SLC35F4: variants seen among roughly 807,000 people sequenced by gnomAD.
SLC35F4 encodes the protein solute carrier family 35 member F4, also known as chromosome 14 open reading frame 36.
A neutral mutation model predicts 44.2 loss-of-function variants in SLC35F4; 24 were observed. That is an observed-to-expected ratio of 0.54 (90% CI 0.39 to 0.76). The LOEUF (loss-of-function observed/expected upper bound fraction) is 0.76, where lower values mean the gene tolerates loss of function less well. SLC35F4 is among the 30% of genes least tolerant of loss of function. The pLI, the probability that SLC35F4 is intolerant of heterozygous loss-of-function variation, is 0.00. For missense variants in SLC35F4, 562 were observed against 586.1 expected, an observed-to-expected ratio of 0.96 and a Z score of 0.42; for synonymous variants, 238 against 223.6, an observed-to-expected ratio of 1.06 and a Z score of -0.57.
chr14:57,875,760 A>T (rs1888386067), intron 1 of SLC35F4, among the ~76,000 whole-genome samples: 1 of 152,236 alleles, frequency 6.6e-6, no homozygotes, highest in Non-Finnish European at 1.5e-5. Context: ...GTTGCAGGTT[A>T]ACTCAGATTG....
intron 1 of SLC35F4, among the ~76,000 whole-genome samples, chr14:57,865,062 C>T (rs1461507469): frequency 1.3e-5 from 2 of 150,240 alleles, no homozygotes; most frequent in East Asian, 4.0e-4. Context: ...TCTCAGACCC[C>T]CCCCCCCCAC....
At chr14:57,571,433 C>T (rs922503475) in intron 5 of SLC35F4, among the ~76,000 whole-genome samples, 2 of 152,186 alleles carry the variant, frequency 1.3e-5, no homozygotes, top group Admixed American at 1.3e-4. Context: ...CTAGTGACAG[C>T]TTATTTCTAA....
At chr14:57,768,051 T>C (rs998952539) in intron 1 of SLC35F4, among the ~76,000 whole-genome samples, 1 of 152,220 alleles carries the variant, frequency 6.6e-6, no homozygotes, top group Non-Finnish European at 1.5e-5. Context: ...TGATGTTCAC[T>C]GGAGAATTCT....
rs1218237649 is a variant in SLC35F4, at chr14:57,735,088, C to T, written c.103+130635G>A. Among the ~76,000 whole-genome samples the T allele has an allele frequency of 1.4e-4, 22 of 152,060 alleles. No homozygotes were observed. In the East Asian group the frequency reaches 3.9e-3, roughly 27 times the overall value. ...GACAAGTACTGACATCTGTGACATA[C>T]AAAATACAACAGGATGAGGCATTTG... On this transcript the variant is annotated intron_variant, in intron 1 of 7. Coordinates refer to ENST00000556826, the MANE Select transcript of SLC35F4 (RefSeq NM_001306087.2).
upstream of SLC35F4, among the ~76,000 whole-genome samples, chr14:57,870,156 G>GTGTGTGTGTGTGTC (rs1211320834): frequency 2.3e-4 from 34 of 150,964 alleles, no homozygotes; most frequent in African/African-American, 8.1e-4. Context: ...GTGTGTGTGT[G>GTGTGTGTGTGTGTC]TCTGTGTCTC....
intron 1 of SLC35F4, among the ~76,000 whole-genome samples, chr14:57,800,841 C>T (rs2078174928): frequency 6.6e-6 from 1 of 152,070 alleles, no homozygotes; most frequent in African/African-American, 2.4e-5. Flanking sequence ...AAGGAATAAA[C>T]AAAATCTCTG....
rs1555398701 is a variant in SLC35F4 at position 57,865,987 on chromosome 14, ACAGCGGCGG to A, written c.-171_-163del. On this transcript the variant is annotated 5_prime_UTR_variant, in exon 1 of 8. Transcript: ENST00000556826. ...CCCGGCGCAGCACCGGCTCCGCATCACAGCGGCGGCGGCGGCGGCGGCGGCGGAGCGGCC... is the reference window on the plus strand; with the variant it reads ...CCCGGCGCAGCACCGGCTCCGCATCACGGCGGCGGCGGCGGCGGAGCGGCC... 2 of 391,708 alleles carry A rather than the reference ACAGCGGCGG, an allele frequency of 5.1e-6. No individual in the cohort carries two copies. The highest frequency in any genetic ancestry group is 5.3e-5 in the East Asian group (1 of 18,884). The allele number at this position is 391,708 out of a possible 1,614,324, so 24.3% of individuals were successfully genotyped here.
chr14:57,894,231 T>A (rs1264762274), intron 1 of SLC35F4, among the ~76,000 whole-genome samples: 1 of 152,132 alleles, frequency 6.6e-6, no homozygotes, highest in Non-Finnish European at 1.5e-5. Context: ...AAGCACTATA[T>A]GAAATTGAGT....
intron 1 of SLC35F4, among the ~76,000 whole-genome samples, chr14:57,723,665 C>A (rs28801999): frequency 6.6e-6 from 1 of 152,140 alleles, no homozygotes; most frequent in African/African-American, 2.4e-5. Flanking sequence ...TAAGGCCCAC[C>A]GGAAGTAATG....
chr14:57,693,667 G>C (rs2075297378), intron 1 of SLC35F4, among the ~76,000 whole-genome samples: 1 of 152,124 alleles, frequency 6.6e-6, no homozygotes, highest in Non-Finnish European at 1.5e-5. Flanking sequence ...CTCTGTTTGA[G>C]GCTCTCAGCT....
rs766558607 is a variant in SLC35F4 at position 57,589,337 on chromosome 14, A to G, written c.466T>C (p.Phe156Leu). 6.2e-7 allele frequency: 1 copy of G among 1,613,882 alleles called. No homozygotes were observed. The highest frequency in any genetic ancestry group is 8.5e-7 in the Non-Finnish European group (1 of 1,179,902). ...TQIVKITYKN[F>L]YCPFFMTWFS... ...CAAGTCATGAAAAATGGGCAATAGAAGTTCTTATAAGTAATTTTTACAATC... is the reference window on the plus strand; with the variant it reads ...CAAGTCATGAAAAATGGGCAATAGAGGTTCTTATAAGTAATTTTTACAATC... Residue 156 changes from phenylalanine to leucine, a missense_variant, in exon 3 of 8, where the codon TTC becomes CTC. Phe to Leu is a conservative substitution (Grantham distance 22). Transcript: ENST00000556826.
chr14:57,630,389 A>G (rs2072711342), intron 1 of SLC35F4: 1 of 648,736 alleles, frequency 1.5e-6, no homozygotes, highest in South Asian at 1.6e-5. Context: ...CAAATATGAT[A>G]GATTCAAACA....
At chr14:57,781,422 T>C (rs2077617953) in intron 1 of SLC35F4, among the ~76,000 whole-genome samples, 1 of 152,074 alleles carries the variant, frequency 6.6e-6, no homozygotes, top group Non-Finnish European at 1.5e-5. Flanking sequence ...TAACAGATAC[T>C]GGTGAGGTTG....
intron 1 of SLC35F4, among the ~76,000 whole-genome samples, chr14:57,967,867 G>A (rs1880929173): frequency 6.6e-6 from 1 of 152,232 alleles, no homozygotes; most frequent in East Asian, 1.9e-4. Flanking sequence ...TAACAATTAG[G>A]CTTTGGTTTG....
intron 1 of SLC35F4, among the ~76,000 whole-genome samples, chr14:57,911,798 G>A (rs539869884): frequency 3.2e-4 from 49 of 151,964 alleles, no homozygotes; most frequent in Non-Finnish European, 6.3e-4. Flanking sequence ...TTCACAGAAT[G>A]AGTTAGGAAG....
At chr14:57,795,617 A>G (rs2078035939) in intron 1 of SLC35F4, among the ~76,000 whole-genome samples, 2 of 152,208 alleles carry the variant, frequency 1.3e-5, no homozygotes, top group Admixed American at 1.3e-4. Flanking sequence ...CAGAAATCCA[A>G]TGGACTAGAA....
At chr14:57,648,453 A>G (rs190181464) in intron 1 of SLC35F4, among the ~76,000 whole-genome samples, 1 of 152,332 alleles carries the variant, frequency 6.6e-6, no homozygotes, top group East Asian at 1.9e-4. Flanking sequence ...TATGAAAACA[A>G]TATGTCATAG....
intron 1 of SLC35F4, among the ~76,000 whole-genome samples, chr14:57,623,469 A>G (rs1311539670): frequency 6.6e-6 from 1 of 152,236 alleles, no homozygotes; most frequent in Non-Finnish European, 1.5e-5. Flanking sequence ...CCTAATTGAC[A>G]TCTAGAGAAC....
At chr14:57,603,343 C>T (rs1434652735) in intron 1 of SLC35F4, among the ~76,000 whole-genome samples, 1 of 152,196 alleles carries the variant, frequency 6.6e-6, no homozygotes, top group Admixed American at 6.5e-5. Flanking sequence ...ATATATTTAA[C>T]ATGGCTATCT....
Sources: gnomAD v4.1 joint callset for allele counts (sites outside exome capture counted in the v4.1 genomes callset) on GRCh38, gnomAD v4.1.1 for gene constraint, MANE v1.5 for transcripts, NCBI Gene and HGNC (gene_info 2026-07-23, HGNC 2026-07-21) for gene names.